MTA3: variants seen among roughly 807,000 people sequenced by gnomAD.
The protein encoded by MTA3 is metastasis-associated protein MTA3.
Under a neutral mutation model 83.5 loss-of-function variants are expected in MTA3, and 34 were observed. The ratio of observed to expected loss-of-function variants is 0.41; its 90% CI spans 0.31 to 0.54. The LOEUF (loss-of-function observed/expected upper bound fraction) is 0.54, where lower values mean the gene tolerates loss of function less well. Ranked by LOEUF, MTA3 falls within the 20% of genes least tolerant of loss-of-function variation. The pLI is 0.33. For missense variants in MTA3, 761 were observed against 726.4 expected (o/e 1.05, Z -0.55); for synonymous variants, 303 against 252.7 (o/e 1.20, Z -1.89).
chr2:42,548,875 TA>T (rs1262945275), intron 2 of MTA3, among the ~76,000 whole-genome samples: 2 of 26,518 alleles, frequency 7.5e-5, no homozygotes, highest in Non-Finnish European at 5.6e-5. Flanking sequence ...TATATATATA[TA>T]ATATATATAT....
At chr2:42,742,799 A>G (rs182655577) in intron 16 of MTA3, among the ~76,000 whole-genome samples, 7 of 152,340 alleles carry the variant, frequency 4.6e-5, no homozygotes, top group African/African-American at 1.7e-4. Flanking sequence ...AGAACTGTAC[A>G]TAAATAATAT....
chr2:42,578,935 A>G, intron 2 of MTA3, among the ~76,000 whole-genome samples, 172 bp from the exon 3 acceptor site: 1 of 152,212 alleles, frequency 6.6e-6, no homozygotes, highest in Non-Finnish European at 1.5e-5. Flanking sequence ...GAAGCAGAAC[A>G]AATGTTGCTC....
At chr2:42,547,578 G>A (rs1370749884) in intron 2 of MTA3, among the ~76,000 whole-genome samples, 2 of 152,192 alleles carry the variant, frequency 1.3e-5, no homozygotes, top group Non-Finnish European at 2.9e-5. Context: ...TGATCCGCCC[G>A]CCAAGGCCTC....
chr2:42,568,684 T>C lies in MTA3; in HGVS notation c.-62T>C. On this transcript the variant is annotated 5_prime_UTR_variant, in exon 1 of 17. Coordinates refer to ENST00000405094, the MANE Select transcript of MTA3 (RefSeq NM_001330442.2). ...CGGCAGCGGCGGTCGCGGCTGAGGC[T>C]GAGGAGGAGGCGGCGGCGGCGGGCG... The C allele has an allele frequency of 8.9e-7, 1 of 1,123,614 alleles. No homozygotes were observed. The highest frequency in any genetic ancestry group is 1.1e-6 in the Non-Finnish European group (1 of 915,122). 69.6% of individuals were successfully genotyped at this position (1,123,614 alleles called of 1,614,324 possible).
intron 8 of MTA3, among the ~76,000 whole-genome samples, chr2:42,665,615 A>G (rs532034982): frequency 1.2e-4 from 19 of 152,318 alleles, no homozygotes; most frequent in African/African-American, 4.6e-4. Flanking sequence ...TGTCATGAGC[A>G]TTGTGAGGGA....
chr2:42,682,297 A>G, intron 8 of MTA3, 104 bp from the exon 9 acceptor site: 1 of 763,114 alleles, frequency 1.3e-6, no homozygotes, highest in East Asian at 2.8e-5. Flanking sequence ...ATAAATAAGT[A>G]TATTGTTAAT....
chr2:42,503,124 C>G (rs1482240864), intron 2 of MTA3, among the ~76,000 whole-genome samples: 3 of 152,198 alleles, frequency 2.0e-5, no homozygotes, highest in Non-Finnish European at 4.4e-5. Flanking sequence ...TAAAGAATGG[C>G]TACTCCATAG....
chr2:42,614,256 C>G (rs1684577918), intron 4 of MTA3: 1 of 152,070 alleles, frequency 6.6e-6, no homozygotes, highest in African/African-American at 2.4e-5. Flanking sequence ...TGCCAGCACA[C>G]CCGGCTAATT....
chr2:42,515,973 T>C (rs1675129330), intron 2 of MTA3, among the ~76,000 whole-genome samples: 1 of 151,876 alleles, frequency 6.6e-6, no homozygotes, highest in South Asian at 2.1e-4. Context: ...CCTGAGTAGC[T>C]TGGACTACAG....
At chr2:42,565,808 A>G (rs1677885307), upstream of MTA3, among the ~76,000 whole-genome samples, 2 of 152,096 alleles carry the variant, frequency 1.3e-5, no homozygotes, top group Admixed American at 1.3e-4. Context: ...GTTCCAGACC[A>G]GTGTGGCCAA....
chr2:42,528,081 T>A (rs1431475870), intron 2 of MTA3, among the ~76,000 whole-genome samples: 3 of 147,670 alleles, frequency 2.0e-5, no homozygotes, highest in Non-Finnish European at 3.0e-5. Flanking sequence ...CGTGCCACCA[T>A]GCCCAGCTAA....
At chr2:42,726,824 A>T (rs1382100528) in intron 16 of MTA3, among the ~76,000 whole-genome samples, 1 of 152,190 alleles carries the variant, frequency 6.6e-6, no homozygotes, top group African/African-American at 2.4e-5. Flanking sequence ...TGTATGCTCT[A>T]TTAAGGAAAC....
chr2:42,601,198 C>G (rs374600778), intron 3 of MTA3, among the ~76,000 whole-genome samples: 1 of 152,236 alleles, frequency 6.6e-6, no homozygotes, highest in African/African-American at 2.4e-5. Flanking sequence ...GTCACCATCC[C>G]TGACCCATTT....
In MTA3 at chr2:42,755,581, G is replaced by A. The variant is rs777250471; in HGVS notation, c.*2182G>A. 101 of 985,524 alleles carry A rather than the reference G, an allele frequency of 1.0e-4. No individual in the cohort carries two copies. The highest frequency in any genetic ancestry group is 1.2e-4 in the Admixed American group (2 of 16,290). 61.0% of individuals were successfully genotyped at this position (985,524 alleles called of 1,614,324 possible). On this transcript the variant is annotated 3_prime_UTR_variant, in exon 17 of 17. Coordinates refer to ENST00000405094, the MANE Select transcript of MTA3 (RefSeq NM_001330442.2). Reference sequence around the variant, plus strand: ...AGGGTGATGTTGACTGAGACTTCACGCTCTCCCTTTGTCTCTGGAAACTGC... The same window carrying A: ...AGGGTGATGTTGACTGAGACTTCACACTCTCCCTTTGTCTCTGGAAACTGC...
intron 14 of MTA3, among the ~76,000 whole-genome samples, chr2:42,718,046 T>C (rs748987926): frequency 2.0e-5 from 3 of 151,048 alleles, no homozygotes; most frequent in Non-Finnish European, 4.4e-5. Flanking sequence ...GTATTAGCTA[T>C]ACCCATATGG....
At chr2:42,721,128 G>A (rs1020957421) in intron 15 of MTA3, among the ~76,000 whole-genome samples, 2 of 151,868 alleles carry the variant, frequency 1.3e-5, no homozygotes, top group Admixed American at 6.6e-5. Context: ...ATATATTTAT[G>A]AGTATTTATA....
At position 42,661,167 on chromosome 2, in the gene MTA3, G is replaced by A. The variant is rs908065214; in HGVS notation, c.702+1305G>A. On this transcript the variant is annotated intron_variant, in intron 8 of 16. Coordinates refer to ENST00000405094, the MANE Select transcript of MTA3 (RefSeq NM_001330442.2). ...ATCTCCAAAATGGGTTTGTATTTCA[G>A]TTGTTTAGAGCTTCGAGAATATTTT... Among the ~76,000 whole-genome samples, 3 of 152,290 alleles carry A rather than the reference G, an allele frequency of 2.0e-5. No homozygotes were observed. In the South Asian group the frequency reaches 6.2e-4, roughly 32 times the overall value.
chr2:42,746,898 G>A (rs2083346), intron 16 of MTA3, among the ~76,000 whole-genome samples: 251 of 152,276 alleles, frequency 1.6e-3, no homozygotes, highest in African/African-American at 5.7e-3. Flanking sequence ...TTGGGTAGGC[G>A]TGATTAACAA....
intron 2 of MTA3, among the ~76,000 whole-genome samples, chr2:42,552,860 G>T (rs980613762): frequency 2.6e-5 from 4 of 151,596 alleles, no homozygotes; most frequent in Admixed American, 1.3e-4. Context: ...TGAGGCAGGA[G>T]AATTGCTTGA....
Sources: gnomAD v4.1 joint callset for allele counts (sites outside exome capture counted in the v4.1 genomes callset) on GRCh38, gnomAD v4.1.1 for gene constraint, MANE v1.5 for transcripts, NCBI Gene and HGNC (gene_info 2026-07-23, HGNC 2026-07-21) for gene names.